Variants in CRELD1 observed in about 807,000 individuals in gnomAD.
CRELD1 encodes the protein protein disulfide isomerase CRELD1.
In CRELD1, 42 loss-of-function variants were observed where a neutral mutation model predicts 58.2. That is an observed-to-expected ratio of 0.72 (90% CI 0.56 to 0.93). The LOEUF (loss-of-function observed/expected upper bound fraction) is 0.93, where lower values mean the gene tolerates loss of function less well. Ranked by LOEUF, CRELD1 falls within the 40% of genes least tolerant of loss-of-function variation. The probability of loss-of-function intolerance (pLI) is 0.00; values close to 1 mark genes in which losing one functional copy is unlikely to be tolerated. For missense variants in CRELD1, 500 were observed against 540.6 expected (o/e 0.92, Z 0.74); for synonymous variants, 222 against 202.0 (o/e 1.10, Z -0.84).
intron 2 of CRELD1, 87 bp downstream of exon 2, chr3:9,934,699 T>A: frequency 6.5e-7 from 1 of 1,543,956 alleles, no homozygotes; most frequent in Non-Finnish European, 8.9e-7. Context: ...GATTTAAGTT[T>A]CATCTTGGTC....
intron 3 of CRELD1, 156 bp downstream of exon 3, chr3:9,935,073 C>A: frequency 1.6e-6 from 1 of 631,178 alleles, no homozygotes; most frequent in Non-Finnish European, 2.8e-6. Flanking sequence ...GCAAAATGCC[C>A]CCTTCCTGGA....
At chr3:9,936,555 ATATATATATATATG>A (rs1368064524) in intron 3 of CRELD1, among the ~76,000 whole-genome samples, 6 of 67,664 alleles carry the variant, frequency 8.9e-5, no homozygotes, top group African/African-American at 2.9e-4. Flanking sequence ...ATATGCGTAT[ATATATATATATATG>A]TATATATTTG....
At position 9,944,655 on chromosome 3, in the gene CRELD1, C is replaced by T; in HGVS notation, c.*76C>T. 1.5e-6 allele frequency: 2 copies of T among 1,344,016 alleles called. No homozygotes were observed. Among genetic ancestry groups the T allele is most frequent in the East Asian group, 2.5e-5 (1 of 40,116 alleles). 83.3% of individuals were successfully genotyped at this position (1,344,016 alleles called of 1,614,324 possible). On this transcript the variant is annotated 3_prime_UTR_variant, in exon 11 of 11. Transcript: ENST00000452070. ...TTGGGCTGCCCTCCTGCTGGACACT[C>T]AGGACAGCTTGGTTTATTTTTGAGA... is the stretch of plus-strand genomic sequence containing the variant.
At chr3:9,944,169 T>G (rs1479618426) in intron 10 of CRELD1, 196 bp from the exon 11 acceptor site, 1 of 790,974 alleles carries the variant, frequency 1.3e-6, no homozygotes, top group African/African-American at 1.7e-5. Context: ...TCTCTGAGCC[T>G]CACTTTCCCA....
intron 3 of CRELD1, among the ~76,000 whole-genome samples, chr3:9,936,905 G>A (rs2124827362): frequency 6.6e-6 from 1 of 152,222 alleles, no homozygotes; most frequent in South Asian, 2.1e-4. Context: ...TCCTTTTTAT[G>A]GCTGAATAAT....
At chr3:9,935,898 G>A (rs1056277113) in intron 3 of CRELD1, 1 of 152,174 alleles carries the variant, frequency 6.6e-6, no homozygotes, top group African/African-American at 2.4e-5. Context: ...TTGGAAACAG[G>A]AATTTGAGAG....
At position 9,938,078 on chromosome 3, in the gene CRELD1, C is replaced by G. The variant is rs750003238; in HGVS notation, c.432C>G (p.Pro144=). 6.2e-7 allele frequency: 1 copy of G among 1,613,964 alleles called. No homozygotes were observed. The highest frequency in any genetic ancestry group is 1.1e-5 in the South Asian group (1 of 91,066). Residue 144 remains proline (P), a synonymous_variant, in exon 5 of 11, where the codon CCC becomes CCG. Coordinates refer to ENST00000452070, the MANE Select transcript of CRELD1 (RefSeq NM_001077415.3). Reference sequence around the variant, plus strand: ...CAGATTCCCTGAAGCTCTGCTGCCCCGCAGGCACCTTCGGGCCCTCCTGCC... The same window carrying G: ...CAGATTCCCTGAAGCTCTGCTGCCCGGCAGGCACCTTCGGGCCCTCCTGCC... ...LCSDSLKLCC[P]AGTFGPSCLP... is the part of the protein sequence containing the mutation.
At chr3:9,939,874 G>A (rs1240056731) in intron 5 of CRELD1, among the ~76,000 whole-genome samples, 1 of 152,132 alleles carries the variant, frequency 6.6e-6, no homozygotes, top group Admixed American at 6.5e-5. Context: ...GGTGGTGGCC[G>A]GGCAGAGGGG....
chr3:9,941,072 C>T (rs2085353374), intron 6 of CRELD1, 39 bp from the exon 7 acceptor site: 4 of 1,613,456 alleles, frequency 2.5e-6, no homozygotes, highest in Non-Finnish European at 3.4e-6. Flanking sequence ...AGATGGGGCA[C>T]CTGCCTGCCC....
intron 2 of CRELD1, 104 bp downstream of exon 2, chr3:9,934,716 T>C (rs1469636756): frequency 1.3e-6 from 2 of 1,506,124 alleles, no homozygotes. Flanking sequence ...GGTCTCTTAC[T>C]AGTTGTATGG....
chr3:9,936,114 T>G (rs968216979), intron 3 of CRELD1: 1 of 152,230 alleles, frequency 6.6e-6, no homozygotes, highest in Non-Finnish European at 1.5e-5. Context: ...GAGTTAGACC[T>G]GGTTGTCGGT....
Position 9,933,918 on chromosome 3 carries a change from AG to A in CRELD1, c.-20+1del. On this transcript the variant is annotated splice_region_variant and 5_prime_UTR_variant, in exon 1 of 11. Coordinates refer to ENST00000452070, the MANE Select transcript of CRELD1 (RefSeq NM_001077415.3). ...GCTTCTTCCTTCTCCGTGGCCTACGAGGGTCTGGATCCTTCTCTGCCGGCTC... is the reference window on the plus strand; with the variant it reads ...GCTTCTTCCTTCTCCGTGGCCTACGAGGTCTGGATCCTTCTCTGCCGGCTC... The A allele has an allele frequency of 2.5e-6, 1 of 407,788 alleles. No homozygotes were observed. The highest frequency in any genetic ancestry group is 4.4e-6 in the Non-Finnish European group (1 of 225,214). 25.3% of individuals were successfully genotyped at this position (407,788 alleles called of 1,614,324 possible). A position where few individuals can be genotyped will look rare whatever the true frequency, so the allele number is the denominator to read the frequency against.
At chr3:9,937,346 C>G (rs556454872) in intron 3 of CRELD1, among the ~76,000 whole-genome samples, 1 of 152,200 alleles carries the variant, frequency 6.6e-6, no homozygotes, top group African/African-American at 2.4e-5. Flanking sequence ...GATGACAAAA[C>G]AAAGAGGTTC....
At position 9,937,448 on chromosome 3, in the gene CRELD1, C is replaced by A. The variant is rs2085225250; in HGVS notation, c.258-114C>A. Reference sequence around the variant, plus strand: ...AGAACCATGACCCCTTCCATTATACCTCATGGCCTCTCCTTTGATATTTTC... The same window carrying A: ...AGAACCATGACCCCTTCCATTATACATCATGGCCTCTCCTTTGATATTTTC... On this transcript the variant is annotated intron_variant, in intron 3 of 10. Coordinates refer to ENST00000452070, the MANE Select transcript of CRELD1 (RefSeq NM_001077415.3). The A allele has an allele frequency of 4.0e-6, 3 of 749,214 alleles. No individual in the cohort carries two copies. The Admixed American group carries it at 6.0e-5, about 15-fold the overall frequency. 46.4% of individuals were successfully genotyped at this position (749,214 alleles called of 1,614,324 possible).
chr3:9,934,427 G>C lies in CRELD1; in HGVS notation c.-12G>C, dbSNP rs780115946. 6.8e-6 allele frequency: 11 copies of C among 1,613,370 alleles called. No homozygotes were observed. In the South Asian group the frequency reaches 1.1e-4, roughly 16 times the overall value. ...CACGCCCTCTATCTGCAGGTCCCCA[G>C]CCTGGGTAAAGATGGCCCCATGGCC... On this transcript the variant is annotated 5_prime_UTR_variant, in exon 2 of 11. Coordinates refer to ENST00000452070, the MANE Select transcript of CRELD1 (RefSeq NM_001077415.3).
intron 7 of CRELD1, 75 bp from the exon 8 acceptor site, chr3:9,942,738 A>G: frequency 8.6e-7 from 1 of 1,166,526 alleles, no homozygotes; most frequent in Non-Finnish European, 1.3e-6. Context: ...AGGCAAGACC[A>G]TTCCCCAACG....
rs1303129676 is a variant in CRELD1, at chr3:9,934,598, G to T, written c.160G>T (p.Asp54Tyr). 2.5e-6 allele frequency: 4 copies of T among 1,613,408 alleles called. No individual in the cohort carries two copies. Among genetic ancestry groups the T allele is most frequent in the Non-Finnish European group, 2.5e-6 (3 of 1,179,530 alleles). Reference sequence around the variant, plus strand: ...GTGTCATACCTGCCGGGGACTGGTTGACAGCTTTAACAAGGTGGGTGCACC... The same window carrying T: ...GTGTCATACCTGCCGGGGACTGGTTTACAGCTTTAACAAGGTGGGTGCACC... ...HPCHTCRGLV[D>Y]SFNKGLERTI... The change falls in exon 2 of 11, where the codon GAC (aspartate) becomes TAC (tyrosine). Residue 54 changes from aspartate (D) to tyrosine (Y), a missense_variant. Physicochemically the swap from Asp to Tyr is radical, Grantham distance 160. Coordinates refer to ENST00000452070, the MANE Select transcript of CRELD1 (RefSeq NM_001077415.3).
chr3:9,941,516 C>T lies in CRELD1; in HGVS notation c.733+310C>T, dbSNP rs192858305. Among the ~76,000 whole-genome samples the T allele has an allele frequency of 3.6e-3, 547 of 152,174 alleles. 4 individuals carry two copies. The highest frequency in any genetic ancestry group is 5.5e-3 in the Non-Finnish European group (373 of 68,008). ...CCTAAAAATTGAGGAAGGGGCTGGG[C>T]GCGGTGGCTCACGCCTGTAATCCCA... On this transcript the variant is annotated intron_variant, in intron 7 of 10. Coordinates refer to ENST00000452070, the MANE Select transcript of CRELD1 (RefSeq NM_001077415.3).
chr3:9,940,486 C>T (rs905268351), intron 5 of CRELD1, among the ~76,000 whole-genome samples: 6 of 151,980 alleles, frequency 3.9e-5, no homozygotes, highest in East Asian at 1.9e-4. Flanking sequence ...GCCAACACAG[C>T]GAAACCCCGT....
Sources: gnomAD v4.1 joint callset for allele counts (sites outside exome capture counted in the v4.1 genomes callset) on GRCh38, gnomAD v4.1.1 for gene constraint, MANE v1.5 for transcripts, NCBI Gene and HGNC (gene_info 2026-07-23, HGNC 2026-07-21) for gene names.